The following FAM184A variants were observed in gnomAD, a reference collection of about 807,000 sequenced individuals.
The protein encoded by FAM184A is family with sequence similarity 184 member A, also known as protein FAM184A.
Under a neutral mutation model 143.8 loss-of-function variants are expected in FAM184A, and 99 were observed. The ratio of observed to expected loss-of-function variants is 0.69; its 90% confidence interval spans 0.58 to 0.81. The LOEUF (loss-of-function observed/expected upper bound fraction) is 0.81. Among genes scored for constraint, FAM184A ranks in the 40% least tolerant of loss-of-function variants. The pLI is 0.00. For synonymous variants in FAM184A, 427 were observed against 446.4 expected (o/e 0.96, Z 0.55); for missense variants, 1,217 against 1,310.5 (o/e 0.93, Z 1.10).
chr6:119,035,443 A>C (rs1179602117), intron 1 of FAM184A, among the ~76,000 whole-genome samples: 3 of 152,218 alleles, frequency 2.0e-5, no homozygotes, highest in Non-Finnish European at 4.4e-5. Flanking sequence ...GACGCACAGC[A>C]AGCCCTGAAA....
intron 1 of FAM184A, among the ~76,000 whole-genome samples, chr6:119,098,165 A>G (rs1186944854): frequency 6.6e-6 from 1 of 152,108 alleles, no homozygotes; most frequent in Non-Finnish European, 1.5e-5. Context: ...AAGTCTCATG[A>G]GATCTGATGG....
At chr6:119,080,622 A>G (rs1287793163), upstream of FAM184A, among the ~76,000 whole-genome samples, 1 of 152,168 alleles carries the variant, frequency 6.6e-6, no homozygotes, top group Non-Finnish European at 1.5e-5. Flanking sequence ...TGGGTTTCAG[A>G]CTTTTTAGGA....
chr6:119,063,602 A>T (rs980256753), intron 1 of FAM184A, among the ~76,000 whole-genome samples: 2 of 151,670 alleles, frequency 1.3e-5, no homozygotes, highest in African/African-American at 4.8e-5. Flanking sequence ...AAGTCACTTA[A>T]CCTCTCTAAC....
At chr6:119,122,287 G>C (rs1011029026) in intron 1 of FAM184A, among the ~76,000 whole-genome samples, 5 of 152,168 alleles carry the variant, frequency 3.3e-5, no homozygotes, top group Non-Finnish European at 7.3e-5. Context: ...GAGGAATTCA[G>C]ATATTGTTGG....
intron 14 of FAM184A, among the ~76,000 whole-genome samples, chr6:118,973,728 A>C (rs2114563821): frequency 6.6e-6 from 1 of 152,318 alleles, no homozygotes; most frequent in South Asian, 2.1e-4. Context: ...TAGCTACATC[A>C]GTTTACAAGC....
intron 1 of FAM184A, among the ~76,000 whole-genome samples, chr6:119,046,387 G>T (rs1285990100): frequency 6.6e-6 from 1 of 151,908 alleles, no homozygotes; most frequent in Non-Finnish European, 1.5e-5. Context: ...ACCACACCCA[G>T]CTAAGGTTTG....
At chr6:119,111,429 G>A (rs1788928296) in intron 1 of FAM184A, among the ~76,000 whole-genome samples, 1 of 152,184 alleles carries the variant, frequency 6.6e-6, no homozygotes, top group South Asian at 2.1e-4. Flanking sequence ...AAAACGGCTG[G>A]ACGTGGATGG....
At chr6:119,059,958 CTATCT>C (rs775551953) in intron 1 of FAM184A, among the ~76,000 whole-genome samples, 11 of 152,208 alleles carry the variant, frequency 7.2e-5, no homozygotes, top group East Asian at 5.8e-4. Context: ...TAAATAAAGG[CTATCT>C]TATAACTTGC....
At chr6:119,079,010 G>C (rs925188142), upstream of FAM184A, 4 of 152,168 alleles carry the variant, frequency 2.6e-5, no homozygotes, top group African/African-American at 9.7e-5. Flanking sequence ...ATCACCTTCG[G>C]TTAGCAGAAC....
At chr6:118,989,242 G>C (rs985796136) in intron 9 of FAM184A, among the ~76,000 whole-genome samples, 1 of 151,400 alleles carries the variant, frequency 6.6e-6, no homozygotes, top group South Asian at 2.1e-4. Flanking sequence ...GATTACAGGC[G>C]TGAGCCACCG....
At chr6:119,069,342 C>T (rs1787596272) in intron 1 of FAM184A, among the ~76,000 whole-genome samples, 2 of 151,990 alleles carry the variant, frequency 1.3e-5, no homozygotes, top group African/African-American at 4.8e-5. Flanking sequence ...CTAGGCGAAA[C>T]ATCTAAAGGT....
chr6:118,962,898 T>G (rs1318782101), intron 16 of FAM184A: 1 of 152,058 alleles, frequency 6.6e-6, no homozygotes, highest in Non-Finnish European at 1.5e-5. Flanking sequence ...ACCAATTAAA[T>G]TTGTAAGCTT....
intron 1 of FAM184A, among the ~76,000 whole-genome samples, chr6:119,117,548 C>T (rs1789092174): frequency 6.6e-6 from 1 of 152,212 alleles, no homozygotes; most frequent in Non-Finnish European, 1.5e-5. Context: ...TCTGTTGCTG[C>T]TGTCAGAGGC....
rs190773929 is a variant in FAM184A, at chr6:118,986,012, G to A, written c.2089-5662C>T. On this transcript the variant is annotated intron_variant, in intron 9 of 17. Transcript: ENST00000338891. The stretch of plus-strand genomic sequence containing the variant: ...GAGGCTAGTTAAGAAAAGTAAATTT[G>A]GCCTGGCGCGGTGGCTCATGCCTGT... 3.3e-5 allele frequency among the ~76,000 whole-genome samples: 5 copies of A among 152,254 alleles called. No individual in the cohort carries two copies. In the East Asian group the frequency reaches 9.6e-4, roughly 29 times the overall value.
At chr6:119,107,565 C>T (rs966878982) in intron 1 of FAM184A, among the ~76,000 whole-genome samples, 1 of 152,072 alleles carries the variant, frequency 6.6e-6, no homozygotes, top group Non-Finnish European at 1.5e-5. Flanking sequence ...AGTTCGAGAC[C>T]AGCCTGGCCA....
chr6:119,008,182 C>T (rs1466491632), intron 6 of FAM184A, among the ~76,000 whole-genome samples: 1 of 152,170 alleles, frequency 6.6e-6, no homozygotes, highest in East Asian at 1.9e-4. Flanking sequence ...ATAACAAAAT[C>T]TCCTTATGGC....
At chr6:119,054,205 G>T (rs942951233) in intron 1 of FAM184A, among the ~76,000 whole-genome samples, 5 of 152,198 alleles carry the variant, frequency 3.3e-5, no homozygotes, top group African/African-American at 1.2e-4. Context: ...TAAAAGGGAA[G>T]CTGAAATAAA....
rs1786920432 is a variant in FAM184A at position 119,055,258 on chromosome 6, A to G, written c.159+22883T>C. Among the ~76,000 whole-genome samples, 2 of 152,160 alleles carry G rather than the reference A, an allele frequency of 1.3e-5. 1 individual carries two copies. Among genetic ancestry groups the G allele is most frequent in the South Asian group, 4.1e-4 (2 of 4,826 alleles). ...CCTTTTTATGGGCAAATAATATTCT[A>G]TTGTATGGATATACCATATTTTATT... On this transcript the variant is annotated intron_variant, in intron 1 of 17. Transcript: ENST00000338891.
chr6:119,036,615 T>C (rs902248861), intron 1 of FAM184A, among the ~76,000 whole-genome samples: 7 of 152,042 alleles, frequency 4.6e-5, no homozygotes, highest in African/African-American at 1.7e-4. Flanking sequence ...ACAGCTATGA[T>C]TCAGGATCTG....
Sources: allele counts gnomAD v4.1 joint callset (sites outside exome capture counted in the v4.1 genomes callset), GRCh38; gene constraint gnomAD v4.1.1; transcripts MANE v1.5; gene names NCBI Gene and HGNC (gene_info 2026-07-23, HGNC 2026-07-21).